ACSS1: variants seen among roughly 807,000 people sequenced by gnomAD.
ACSS1 encodes acyl-CoA synthetase short chain family member 1.
ACSS1 carries 42 observed loss-of-function variants against 75.3 expected under a neutral mutation model. That is an observed-to-expected ratio of 0.56 (90% CI 0.44 to 0.72). The LOEUF (loss-of-function observed/expected upper bound fraction) is 0.72, where lower values mean the gene tolerates loss of function less well. Ranked by LOEUF, ACSS1 falls within the 30% of genes least tolerant of loss-of-function variation. The probability of loss-of-function intolerance (pLI) is 0.00; values close to 1 mark genes in which losing one functional copy is unlikely to be tolerated. For synonymous variants in ACSS1, 380 were observed against 376.8 expected (o/e 1.01, Z -0.10); for missense variants, 782 against 935.7 (o/e 0.84, Z 2.14).
At chr20:25,047,470 C>T (rs1016879461) in intron 2 of ACSS1, among the ~76,000 whole-genome samples, 3 of 152,214 alleles carry the variant, frequency 2.0e-5, no homozygotes, top group South Asian at 4.1e-4. Flanking sequence ...CTGCAACATA[C>T]TGCAGCCCAT....
chr20:25,043,905 T>C (rs1436220394), intron 2 of ACSS1, among the ~76,000 whole-genome samples: 3 of 152,182 alleles, frequency 2.0e-5, no homozygotes, highest in Non-Finnish European at 2.9e-5. Flanking sequence ...TAAAACTTGG[T>C]CCTCTGGCTT....
At chr20:25,028,324 A>C (rs1443471773) in intron 3 of ACSS1, among the ~76,000 whole-genome samples, 1 of 152,232 alleles carries the variant, frequency 6.6e-6, no homozygotes, top group African/African-American at 2.4e-5. Context: ...AGAAGAACAA[A>C]GTTGGGAGAC....
At chr20:25,030,635 T>C in intron 3 of ACSS1, 124 bp downstream of exon 3, 1 of 1,115,486 alleles carries the variant, frequency 9.0e-7, no homozygotes, top group Non-Finnish European at 1.3e-6. Context: ...CCTAGTACGA[T>C]CTGTCATTTG....
chr20:25,011,386 T>C (rs1446434383), intron 12 of ACSS1: 1 of 152,324 alleles, frequency 6.6e-6, no homozygotes, highest in Non-Finnish European at 1.5e-5. Flanking sequence ...CAGGGAGTAC[T>C]GGCTCAGCCA....
chr20:25,034,311 A>C (rs1297133984), intron 2 of ACSS1, among the ~76,000 whole-genome samples: 1 of 152,008 alleles, frequency 6.6e-6, no homozygotes, highest in Non-Finnish European at 1.5e-5. Flanking sequence ...TTCAAACTCC[A>C]CCCCTTAGTC....
chr20:25,038,019 G>A (rs919150254), intron 2 of ACSS1, among the ~76,000 whole-genome samples: 5 of 152,228 alleles, frequency 3.3e-5, no homozygotes, highest in Non-Finnish European at 7.3e-5. Context: ...AAGAGAAGCT[G>A]CCGTGAAAAC....
At chr20:25,013,693 G>A in intron 9 of ACSS1, 31 bp from the exon 10 acceptor site, 4 of 1,576,800 alleles carry the variant, frequency 2.5e-6, no homozygotes, top group Non-Finnish European at 3.5e-6. Flanking sequence ...AGTGAGACAG[G>A]GCAGGCTCTG....
At chr20:25,018,994 C>T (rs2088569905) in intron 7 of ACSS1, among the ~76,000 whole-genome samples, 1 of 152,336 alleles carries the variant, frequency 6.6e-6, no homozygotes, top group South Asian at 2.1e-4. Flanking sequence ...GGGCACAGCC[C>T]CAGCTGCTGT....
chr20:25,052,093 T>C lies in ACSS1; in HGVS notation c.335-3912A>G, dbSNP rs909761349. ...GCCCTAACACCCATGTGCACATGGC[T>C]CTTCGCACATAGTTATGGTTCCTGC... On this transcript the variant is annotated intron_variant, in intron 1 of 13. Coordinates refer to ENST00000323482, the MANE Select transcript of ACSS1 (RefSeq NM_032501.4). Among the ~76,000 whole-genome samples the C allele has an allele frequency of 3.3e-5, 5 of 152,252 alleles. 1 individual carries two copies. In the East Asian group the frequency reaches 7.7e-4, roughly 23 times the overall value.
chr20:25,032,166 T>G (rs1269396883), intron 2 of ACSS1, among the ~76,000 whole-genome samples: 1 of 152,216 alleles, frequency 6.6e-6, no homozygotes, highest in African/African-American at 2.4e-5. Flanking sequence ...GTCCACCACG[T>G]TGCCTATGTC....
In ACSS1 at chr20:25,058,075, C is replaced by A. The variant is rs9967918; in HGVS notation, c.28G>T (p.Val10Phe). The A allele has an allele frequency of 9.6e-3, 12,115 of 1,265,516 alleles. 906 individuals carry two copies. The African/African-American group carries it at 0.16, about 17-fold the overall frequency. The allele number at this position is 1,265,516 out of a possible 1,614,324, so 78.4% of individuals were successfully genotyped here. ...CGCAGGCTGCCCAGCAGCCTCCCGA[C>A]GCCGCGGCCCAGGGTGCGCGCCGCC... MAARTLGRG[V>F]GRLLGSLRGL... Residue 10 changes from valine (V) to phenylalanine (F), a missense_variant, in exon 1 of 14, where the codon GTC becomes TTC. Transcript: ENST00000323482.
chr20:25,050,132 C>G (rs2089155662), intron 1 of ACSS1, among the ~76,000 whole-genome samples: 1 of 152,162 alleles, frequency 6.6e-6, no homozygotes, highest in Non-Finnish European at 1.5e-5. Flanking sequence ...GGTCCCTAGG[C>G]TGAGTCCAGC....
At position 25,030,853 on chromosome 20, in the gene ACSS1, C is replaced by T; in HGVS notation, c.537G>A (p.Val179=). The change falls in exon 3 of 14, where the codon GTG becomes GTA. Residue 179 remains valine (V), a synonymous_variant. Coordinates refer to ENST00000323482, the MANE Select transcript of ACSS1 (RefSeq NM_032501.4). ...TCCTGGCACAGGCCAGCATTGCTGC[C>T]ACAGCCAATGGGGACACGGGCATGT... The part of the protein sequence containing the change: ...AIYMPVSPLA[V]AAMLACARIG... 1 of 1,614,236 alleles carries T rather than the reference C, an allele frequency of 6.2e-7. No homozygotes were observed. Among genetic ancestry groups the T allele is most frequent in the Non-Finnish European group, 8.5e-7 (1 of 1,180,034 alleles).
At chr20:25,018,120 A>G (rs887083365) in intron 7 of ACSS1, among the ~76,000 whole-genome samples, 5 of 152,248 alleles carry the variant, frequency 3.3e-5, no homozygotes, top group Non-Finnish European at 2.9e-5. Context: ...TGTAATTGCC[A>G]TTGTAACAGT....
In ACSS1 at chr20:25,017,001, T is replaced by TGA. The variant is rs771209858; in HGVS notation, c.1247-1773_1247-1772dup. Among the ~76,000 whole-genome samples the TGA allele has an allele frequency of 2.3e-3, 355 of 151,592 alleles. 2 individuals carry two copies. The highest frequency in any genetic ancestry group is 4.2e-3 in the Non-Finnish European group (285 of 67,836). Reference sequence around the variant, plus strand: ...AGCTTTTTTTTTTTTTCTTTTTTTTTGAGAGAGAGAGACAAGGATCTTGCT... The same window carrying TGA: ...AGCTTTTTTTTTTTTTCTTTTTTTTTGAGAGAGAGAGAGACAAGGATCTTGCT... On this transcript the variant is annotated intron_variant, in intron 7 of 13. Coordinates refer to ENST00000323482, the MANE Select transcript of ACSS1 (RefSeq NM_032501.4).
chr20:25,012,702 GC>G (rs760502300), intron 11 of ACSS1, 38 bp from the exon 12 acceptor site: 3 of 1,613,928 alleles, frequency 1.9e-6, no homozygotes, highest in Admixed American at 1.7e-5. Context: ...AAATGTGGCG[GC>G]CCCGGGTGCT....
chr20:25,049,192 A>G (rs1462951638), intron 1 of ACSS1, among the ~76,000 whole-genome samples: 2 of 152,218 alleles, frequency 1.3e-5, no homozygotes, highest in African/African-American at 4.8e-5. Flanking sequence ...AAAAGAGAAG[A>G]CATGCCCAAA....
intron 7 of ACSS1, among the ~76,000 whole-genome samples, chr20:25,019,224 G>A (rs1338458523): frequency 6.6e-6 from 1 of 152,230 alleles, no homozygotes. Flanking sequence ...CATGAAATGT[G>A]GCAGGGACAG....
At chr20:25,040,078 G>A (rs929583720) in intron 2 of ACSS1, among the ~76,000 whole-genome samples, 3 of 152,202 alleles carry the variant, frequency 2.0e-5, no homozygotes, top group African/African-American at 7.2e-5. Context: ...ACAGAAGTGA[G>A]TCCTTTCCCT....
Sources: allele counts gnomAD v4.1 joint callset (sites outside exome capture counted in the v4.1 genomes callset), GRCh38; gene constraint gnomAD v4.1.1; transcripts MANE v1.5; gene names NCBI Gene and HGNC (gene_info 2026-07-23, HGNC 2026-07-21).